The following XG variants were observed in gnomAD, a reference collection of about 807,000 sequenced individuals.
The protein encoded by XG is glycoprotein Xg.
XG carries 24 observed loss-of-function variants against 25.7 expected under a neutral mutation model. The ratio of observed to expected loss-of-function variants is 0.93; its 90% confidence interval spans 0.68 to 1.31. The LOEUF is 1.31. XG is among the 40% of genes most tolerant of loss of function. XG has a pLI of 0.00. For synonymous variants in XG, 77 were observed against 69.2 expected (o/e 1.11, Z -0.56); for missense variants, 181 against 187.6 (o/e 0.96, Z 0.21).
At chrX:2,804,356 G>C (rs2086973277) in intron 7 of XG, among the ~76,000 whole-genome samples, 1 of 112,247 alleles carries the variant, frequency 8.9e-6, no homozygotes, top group South Asian at 3.7e-4. Context: ...GAGTCGGTTA[G>C]GTCTGGCCTC....
intron 7 of XG, among the ~76,000 whole-genome samples, chrX:2,799,145 A>G (rs935008084): frequency 9.0e-6 from 1 of 110,649 alleles, no homozygotes; most frequent in African/African-American, 3.3e-5. Context: ...TACATAGGTA[A>G]ATTGTTTGTC....
chrX:2,777,264 A>G (rs1411886294), intron 3 of XG, among the ~76,000 whole-genome samples: 1 of 152,238 alleles, frequency 6.6e-6, no homozygotes, highest in Admixed American at 6.5e-5. Flanking sequence ...CACAGAGAGG[A>G]TAAGAAAGGA....
intron 6 of XG, among the ~76,000 whole-genome samples, 181 bp from the exon 7 acceptor site, chrX:2,797,129 G>A (rs1047291759): frequency 1.8e-5 from 2 of 111,513 alleles, no homozygotes; most frequent in Non-Finnish European, 3.8e-5. Context: ...ACGGGGAAGA[G>A]GAAGCTTTGG....
At chrX:2,781,111 T>G (rs754450923) in intron 3 of XG, among the ~76,000 whole-genome samples, 1 of 152,028 alleles carries the variant, frequency 6.6e-6, no homozygotes, top group East Asian at 1.9e-4. Context: ...CCTGTTTCAG[T>G]ATTGACTGAG....
chrX:2,798,369 C>CTTTTTT (rs748928232), intron 7 of XG, among the ~76,000 whole-genome samples: 25 of 83,831 alleles, frequency 3.0e-4, no homozygotes, highest in East Asian at 1.1e-3. Flanking sequence ...ACCATCTTTT[C>CTTTTTT]TTTTTTTTTT....
At position 2,770,462 on chromosome X, in the gene XG, G is replaced by A. The variant is rs4333792; in HGVS notation, c.62-88G>A. 3 of 1,518,156 alleles carry A rather than the reference G, an allele frequency of 2.0e-6. No homozygotes were observed. In the East Asian group the frequency reaches 6.8e-5, roughly 34 times the overall value. 94.0% of individuals were successfully genotyped at this position (1,518,156 alleles called of 1,614,324 possible). A position where few individuals can be genotyped will look rare whatever the true frequency, so the allele number is the denominator to read the frequency against. On this transcript the variant is annotated intron_variant, in intron 1 of 10. Transcript: ENST00000644266. ...TGCTCTGGGCGACCCTAGGCTTGCA[G>A]GAGGAGGGGAGCAGCATGAGGTGAG...
At chrX:2,801,870 G>A (rs1603457860) in intron 7 of XG, among the ~76,000 whole-genome samples, 1 of 110,281 alleles carries the variant, frequency 9.1e-6, no homozygotes, top group Non-Finnish European at 1.9e-5. Context: ...CACCACGCCT[G>A]GCAATTTTTT....
intron 3 of XG, among the ~76,000 whole-genome samples, chrX:2,776,176 C>T (rs1482988925): frequency 2.0e-5 from 3 of 151,846 alleles, no homozygotes. Context: ...AGCCAGCGAC[C>T]GAGAGACGGC....
At chrX:2,755,383 T>C (rs772026896) in intron 1 of XG, among the ~76,000 whole-genome samples, 1 of 152,290 alleles carries the variant, frequency 6.6e-6, no homozygotes, top group Non-Finnish European at 1.5e-5. Flanking sequence ...TTTGTAATTG[T>C]CATGGTGCTG....
rs756675672 is a variant in XG at position 2,752,233 on chromosome X, G to A, written c.-42G>A. The A allele has an allele frequency of 1.1e-5, 18 of 1,613,286 alleles. No individual in the cohort carries two copies. The highest frequency in any genetic ancestry group is 4.0e-5 in the African/African-American group (3 of 74,928). On this transcript the variant is annotated 5_prime_UTR_variant, in exon 1 of 11. Coordinates refer to ENST00000644266, the MANE Select transcript of XG (RefSeq NM_001141919.2). ...AGAGGCCGGGTCTCACAATCCGCTT[G>A]GCTGGGGAGTCCACTGAGGTTCTTG...
At chrX:2,801,189 C>T (rs1426100143) in intron 7 of XG, among the ~76,000 whole-genome samples, 1 of 73,902 alleles carries the variant, frequency 1.4e-5, no homozygotes, top group African/African-American at 3.5e-5. Context: ...GCATGTGAAG[C>T]AGCTATGCTG....
chrX:2,792,419 C>T (rs745596250), intron 5 of XG, among the ~76,000 whole-genome samples: 196 of 111,368 alleles, frequency 1.8e-3, no homozygotes, highest in African/African-American at 5.6e-3. Context: ...ACTGCAGCCT[C>T]CACCTCCTGG....
At position 2,814,705 on chromosome X, in the gene XG, G is replaced by A. The variant is rs1378970077; in HGVS notation, c.*325G>A. On this transcript the variant is annotated 3_prime_UTR_variant, in exon 11 of 11. Transcript: ENST00000644266. ...CCTCATGGTGCAATAACACACACAC[G>A]CTTAACCATGTTGATGGCACAAAGC... is the stretch of plus-strand genomic sequence containing the variant. 2 of 209,793 alleles carry A rather than the reference G, an allele frequency of 9.5e-6. No individual in the cohort carries two copies. Among genetic ancestry groups the A allele is most frequent in the Non-Finnish European group, 8.5e-6 (1 of 117,519 alleles). 17.3% of individuals were successfully genotyped at this position (209,793 alleles called of 1,213,427 possible). A position where few individuals can be genotyped will look rare whatever the true frequency, so the allele number is the denominator to read the frequency against.
intron 3 of XG, among the ~76,000 whole-genome samples, chrX:2,777,078 C>G (rs2051015059): frequency 6.6e-6 from 1 of 152,198 alleles, no homozygotes; most frequent in Non-Finnish European, 1.5e-5. Flanking sequence ...AAATGATGCT[C>G]TGCCATAAGA....
At position 2,794,602 on chromosome X, in the gene XG, A is replaced by G; in HGVS notation, c.321A>G (p.Ala107=). Residue 107 remains alanine (A), a splice_region_variant and synonymous_variant, in exon 6 of 11, where the codon GCA becomes GCG. Coordinates refer to ENST00000644266, the MANE Select transcript of XG (RefSeq NM_001141919.2). The part of the protein sequence containing the change: ...YPPRPRPRPP[A]GGGGGGYSSY... ...CCAGGCCCAGGCCACGGCCGCCTGC[A>G]GGTAGGTGCCGAGCCTCCCCAGATG... is the stretch of plus-strand genomic sequence containing the variant. The G allele has an allele frequency of 8.3e-7, 1 of 1,211,038 alleles. No individual in the cohort carries two copies. The highest frequency in any genetic ancestry group is 1.1e-6 in the Non-Finnish European group (1 of 895,151).
chrX:2,762,237 C>T (rs2050581749), intron 1 of XG, among the ~76,000 whole-genome samples: 1 of 152,174 alleles, frequency 6.6e-6, no homozygotes, highest in South Asian at 2.1e-4. Flanking sequence ...ATACTTCGAT[C>T]TCTGCAGACA....
Position 2,770,611 on chromosome X carries a change from G to A in XG, c.103+20G>A, listed in dbSNP as rs371403332. The A allele has an allele frequency of 3.0e-5, 48 of 1,613,716 alleles. No homozygotes were observed. The Middle Eastern group carries it at 6.6e-4, about 22-fold the overall frequency. On this transcript the variant is annotated intron_variant, in intron 2 of 10. Transcript: ENST00000644266. ...ACCCTGGTAAGTGCCGATATTTCAA[G>A]GGGAGCCTTCCCTTTTCAGCTTGGA...
At chrX:2,752,377 G>T (rs2050351551) in intron 1 of XG, 42 bp downstream of exon 1, 1 of 1,612,120 alleles carries the variant, frequency 6.2e-7, no homozygotes. Context: ...CCTGGGCATG[G>T]ATTTTTCTAT....
intron 3 of XG, among the ~76,000 whole-genome samples, chrX:2,777,978 G>GA (rs991950796): frequency 2.0e-5 from 3 of 151,880 alleles, no homozygotes; most frequent in African/African-American, 4.8e-5. Context: ...AAAATAGCTG[G>GA]AAAAAAAATG....
Sources: gnomAD v4.1 joint callset for allele counts (sites outside exome capture counted in the v4.1 genomes callset) on GRCh38, gnomAD v4.1.1 for gene constraint, MANE v1.5 for transcripts, NCBI Gene and HGNC (gene_info 2026-07-23, HGNC 2026-07-21) for gene names.